CCDC142: variants seen among roughly 807,000 people sequenced by gnomAD.
The protein encoded by CCDC142 is coiled-coil domain-containing protein 142.
In CCDC142, 67 loss-of-function variants were observed where a neutral mutation model predicts 83.8. That is an observed-to-expected ratio of 0.80 (90% CI 0.66 to 0.98). CCDC142 has a LOEUF of 0.98. Ranked by LOEUF, CCDC142 falls within the 50% of genes least tolerant of loss-of-function variation. The pLI, the probability that CCDC142 is intolerant of heterozygous loss-of-function variation, is 0.00. For missense variants in CCDC142, 905 were observed against 946.8 expected (o/e 0.96, Z 0.58); for synonymous variants, 421 against 421.2 (o/e 1.00, Z 0.01).
rs1267890733 is a variant in CCDC142, at chr2:74,482,785, G to A, written c.53C>T (p.Pro18Leu). 5 of 1,600,378 alleles carry A rather than the reference G, an allele frequency of 3.1e-6. No homozygotes were observed. The Admixed American group carries it at 6.7e-5, about 21-fold the overall frequency. ...AGTGCCCCCGGGTTGCGCCCTCAGC[G>A]GGGGCACGATAACGAGTGGAGGCAG... Reference protein sequence around the residue: ...GSLPPLVIVPPLRAQPGGTGE... With the variant: ...GSLPPLVIVPLLRAQPGGTGE... Residue 18 changes from proline to leucine, a missense_variant, in exon 1 of 9, where the codon CCG becomes CTG. Coordinates refer to ENST00000393965, the MANE Select transcript of CCDC142 (RefSeq NM_001365575.2). This position sits in a 1 kb window ranked among gnomAD's most constrained non-coding sequence, Gnocchi z 5.0.
At position 74,480,756 on chromosome 2, in the gene CCDC142, C is replaced by T. The variant is rs1161185795; in HGVS notation, c.1503+13G>A. 4 of 1,591,266 alleles carry T rather than the reference C, an allele frequency of 2.5e-6. No homozygotes were observed. Among genetic ancestry groups the T allele is most frequent in the African/African-American group, 2.7e-5 (2 of 74,470 alleles). ...GGGTCTTACACTGCCACTGTTGAGG[C>T]CCCTGTTCTCACCTGGATCTGTGCA... On this transcript the variant is annotated intron_variant, in intron 5 of 8. Coordinates refer to ENST00000393965, the MANE Select transcript of CCDC142 (RefSeq NM_001365575.2).
Position 74,482,603 on chromosome 2 carries a change from CG to C in CCDC142, c.234del (p.Ala79GlnfsTer44). The stretch of plus-strand genomic sequence containing the variant: ...GCGGGAGGGATCGGGCCGCCACCTG[CG>C]GGCCCCCGCCTCCAGGCCGCAGCAT... ...EADAAAWRRGPAGGGPIPPAL... is the reference protein window; with the variant it reads ...EADAAAWRRGXAGGGPIPPAL... On this transcript the variant is annotated frameshift_variant, in exon 1 of 9. Coordinates refer to ENST00000393965, the MANE Select transcript of CCDC142 (RefSeq NM_001365575.2). LOFTEE classifies it high-confidence loss of function. The surrounding 1 kb of genome is among the most constrained non-coding windows in gnomAD (Gnocchi z 5.0). 6.2e-7 allele frequency: 1 copy of C among 1,603,754 alleles called. No individual in the cohort carries two copies. The highest frequency in any genetic ancestry group is 8.5e-7 in the Non-Finnish European group (1 of 1,175,622).
In CCDC142 at chr2:74,482,332, C is replaced by T. The variant is rs753313456; in HGVS notation, c.506G>A (p.Arg169His). ...GETLEPLLLARPIGLAAQCLE... is the reference protein window; with the variant it reads ...GETLEPLLLAHPIGLAAQCLE... Reference sequence around the variant, plus strand: ...GCACTGGGCGGCTAGTCCGATGGGGCGCGCTAGCAGCAGCGGCTCGAGAGT... The same window carrying T: ...GCACTGGGCGGCTAGTCCGATGGGGTGCGCTAGCAGCAGCGGCTCGAGAGT... The change falls in exon 1 of 9, where the codon CGC (arginine) becomes CAC (histidine). Residue 169 changes from arginine to histidine, a missense_variant. Around this residue, in one of 3 missense-constraint regions of CCDC142, gnomAD observed 591 missense variants for 571.4 expected, o/e 1.03. Coordinates refer to ENST00000393965, the MANE Select transcript of CCDC142 (RefSeq NM_001365575.2). This position sits in a 1 kb window ranked among gnomAD's most constrained non-coding sequence, Gnocchi z 5.0. 6.2e-6 allele frequency: 10 copies of T among 1,606,366 alleles called. No individual in the cohort carries two copies. Among genetic ancestry groups the T allele is most frequent in the Admixed American group, 1.7e-5 (1 of 58,080 alleles).
At chr2:74,481,748 C>A in intron 1 of CCDC142, 69 bp downstream of exon 1, 1 of 1,534,852 alleles carries the variant, frequency 6.5e-7, no homozygotes, top group South Asian at 1.2e-5. Context: ...GATGGCAGGT[C>A]AGTGAGTTGG....
Position 74,482,293 on chromosome 2 carries a change from A to G in CCDC142, c.545T>C (p.Ile182Thr), listed in dbSNP as rs1261331589. The change falls in exon 1 of 9, where the codon ATC becomes ACC. Residue 182 changes from isoleucine to threonine, a missense_variant. By Grantham distance (89) the Ile-to-Thr change is moderately conservative. Around this residue, in one of 3 missense-constraint regions of CCDC142, gnomAD observed 591 missense variants for 571.4 expected, o/e 1.03. Coordinates refer to ENST00000393965, the MANE Select transcript of CCDC142 (RefSeq NM_001365575.2). This position sits in a 1 kb window ranked among gnomAD's most constrained non-coding sequence, Gnocchi z 5.0. ...GCCGAGAGCGCGAAGCTGCATCTCG[A>G]TGACAGCCTCCAGGCACTGGGCGGC... ...GLAAQCLEAV[I>T]EMQLRALGRE... 2 of 1,612,176 alleles carry G rather than the reference A, an allele frequency of 1.2e-6. No homozygotes were observed. Among genetic ancestry groups the G allele is most frequent in the Admixed American group, 1.7e-5 (1 of 59,900 alleles).
intron 5 of CCDC142, among the ~76,000 whole-genome samples, chr2:74,480,245 C>A (rs1672410850): frequency 6.6e-6 from 1 of 152,094 alleles, no homozygotes; most frequent in Admixed American, 6.5e-5. Context: ...TATGGGAGTC[C>A]ATTATACACC....
Position 74,474,259 on chromosome 2 carries a change from A to G in CCDC142, c.*287T>C, listed in dbSNP as rs923401972. ...CCACCACGCCCGGCTAATTTTTTGT[A>G]TTTTTAGTGGAAACAGGGTTTCACC... On this transcript the variant is annotated 3_prime_UTR_variant, in exon 9 of 9. Transcript: ENST00000393965. 25 of 222,540 alleles carry G rather than the reference A, an allele frequency of 1.1e-4. No homozygotes were observed. Among genetic ancestry groups the G allele is most frequent in the Non-Finnish European group, 1.8e-4 (20 of 113,180 alleles). The allele number at this position is 222,540 out of a possible 1,614,324, so 13.8% of individuals were successfully genotyped here.
At chr2:74,475,479 A>G (rs1672302984) in intron 6 of CCDC142, 77 bp from the exon 7 acceptor site, 3 of 1,492,160 alleles carry the variant, frequency 2.0e-6, no homozygotes, top group Non-Finnish European at 2.7e-6. Flanking sequence ...AGAAGAGGGT[A>G]GGATTTCAGG....
At position 74,475,343 on chromosome 2, in the gene CCDC142, C is replaced by T. The variant is rs1175077838; in HGVS notation, c.1678G>A (p.Val560Met). 1.2e-6 allele frequency: 2 copies of T among 1,612,820 alleles called. No individual in the cohort carries two copies. The highest frequency in any genetic ancestry group is 1.7e-6 in the Non-Finnish European group (2 of 1,179,278). The stretch of plus-strand genomic sequence containing the variant: ...GGCAACCCTTGCAATCCTTGCAACA[C>T]AGGCTCCAGTACGGTGCGGACCACT... ...GLVVRTVLEP[V>M]LQGLQGLPPQ... The change falls in exon 7 of 9, where the codon GTG (valine) becomes ATG (methionine). Residue 560 changes from valine to methionine, a missense_variant. Around this residue, in one of 3 missense-constraint regions of CCDC142, gnomAD observed 265 missense variants for 288.9 expected, o/e 0.92. Coordinates refer to ENST00000393965, the MANE Select transcript of CCDC142 (RefSeq NM_001365575.2).
At chr2:74,475,171 C>T (rs948245542) in intron 7 of CCDC142, 54 bp downstream of exon 7, 9 of 1,613,192 alleles carry the variant, frequency 5.6e-6, no homozygotes, top group Non-Finnish European at 7.6e-6. Context: ...CCACTTATCC[C>T]CTTCCTTTTC....
rs1317672746 is a variant in CCDC142, at chr2:74,474,902, G to A, written c.1996+14C>T. The A allele has an allele frequency of 1.3e-6, 2 of 1,585,158 alleles. No homozygotes were observed. The highest frequency in any genetic ancestry group is 3.5e-5 in the Admixed American group (2 of 57,434). On this transcript the variant is annotated intron_variant, in intron 8 of 8. Coordinates refer to ENST00000393965, the MANE Select transcript of CCDC142 (RefSeq NM_001365575.2). ...TGGGACACACAAAGCAGTGAGCGAA[G>A]GGGAGTAACTCACAGCAACAGGGGG...
intron 1 of CCDC142, 132 bp downstream of exon 1, chr2:74,481,685 C>CTA (rs1353417973): frequency 7.3e-7 from 1 of 1,377,724 alleles, no homozygotes; most frequent in African/African-American, 1.4e-5. Context: ...AGCTCAGAAG[C>CTA]TATAGTCTGA....
intron 5 of CCDC142, among the ~76,000 whole-genome samples, chr2:74,476,893 G>A (rs948557552): frequency 6.6e-6 from 1 of 152,216 alleles, no homozygotes; most frequent in Non-Finnish European, 1.5e-5. Context: ...ATGGCTCCTG[G>A]CACATCTGAC....
At position 74,472,899 on chromosome 2, in the gene CCDC142, T is replaced by C; in HGVS notation, c.*1647A>G. 1 of 576,190 alleles carries C rather than the reference T, an allele frequency of 1.7e-6. No individual in the cohort carries two copies. The highest frequency in any genetic ancestry group is 3.1e-6 in the Non-Finnish European group (1 of 322,612). 35.7% of individuals were successfully genotyped at this position (576,190 alleles called of 1,614,324 possible). A position where few individuals can be genotyped will look rare whatever the true frequency, so the allele number is the denominator to read the frequency against. On this transcript the variant is annotated 3_prime_UTR_variant, in exon 9 of 9. Transcript: ENST00000393965. Reference sequence around the variant, plus strand: ...AGCAAATACAGCCTATCATGAATAGTCCTCTCATACGACGGTGAAAACCAT... The same window carrying C: ...AGCAAATACAGCCTATCATGAATAGCCCTCTCATACGACGGTGAAAACCAT...
In CCDC142 at chr2:74,476,047, ACAC is replaced by A. The variant is rs1672317585; in HGVS notation, c.1504-324_1504-322del. On this transcript the variant is annotated intron_variant, in intron 5 of 8. Coordinates refer to ENST00000393965, the MANE Select transcript of CCDC142 (RefSeq NM_001365575.2). ...CATACCCTGCCCCCACCCCCGCAAC[ACAC>A]ACACACACACACACACACACACACA... Among the ~76,000 whole-genome samples, 3 of 5,548 alleles carry A rather than the reference ACAC, an allele frequency of 5.4e-4. No individual in the cohort carries two copies. The Admixed American group carries it at 7.9e-3, about 15-fold the overall frequency. The allele number at this position is 5,548 out of a possible 152,430, so 3.6% of individuals were successfully genotyped here.
At chr2:74,479,279 G>A (rs1032191360) in intron 5 of CCDC142, among the ~76,000 whole-genome samples, 1 of 152,182 alleles carries the variant, frequency 6.6e-6, no homozygotes, top group African/African-American at 2.4e-5. Flanking sequence ...GGAATACTGA[G>A]AGAAAAGCAG....
Position 74,475,598 on chromosome 2 carries a change from G to T in CCDC142, c.1618+14C>A. The T allele has an allele frequency of 6.2e-7, 1 of 1,602,546 alleles. No individual in the cohort carries two copies. The highest frequency in any genetic ancestry group is 8.5e-7 in the Non-Finnish European group (1 of 1,170,148). ...CTTGGAACTCTGGAAGGAGAAGCTGGGATGAGGAGTTACCAGGACAGAGAC... is the reference window on the plus strand; with the variant it reads ...CTTGGAACTCTGGAAGGAGAAGCTGTGATGAGGAGTTACCAGGACAGAGAC... On this transcript the variant is annotated intron_variant, in intron 6 of 8. Coordinates refer to ENST00000393965, the MANE Select transcript of CCDC142 (RefSeq NM_001365575.2).
intron 5 of CCDC142, among the ~76,000 whole-genome samples, 194 bp from the exon 6 acceptor site, chr2:74,475,920 AC>A (rs1369224659): frequency 6.6e-6 from 1 of 152,016 alleles, no homozygotes; most frequent in East Asian, 1.9e-4. Flanking sequence ...CAAATTATGA[AC>A]AATTGCCCTA....
rs2104002832 is a variant in CCDC142 at position 74,473,605 on chromosome 2, G to C, written c.*941C>G. Among the ~76,000 whole-genome samples the C allele has an allele frequency of 6.6e-6, 1 of 151,386 alleles. No individual in the cohort carries two copies. The highest frequency in any genetic ancestry group is 2.1e-4 in the South Asian group (1 of 4,760). On this transcript the variant is annotated 3_prime_UTR_variant, in exon 9 of 9. Transcript: ENST00000393965. ...GTGCTGGGATTACAGGCGTGAGCAG[G>C]CGTGAGCCCCCTCACCTGGCCGAGC... is the stretch of plus-strand genomic sequence containing the variant.
Sources: gnomAD v4.1 joint callset for allele counts (sites outside exome capture counted in the v4.1 genomes callset) on GRCh38, gnomAD v4.1.1 for gene constraint, gnomAD v4.1.1 regional missense constraint, Gnocchi (gnomAD v3.1) non-coding constraint, MANE v1.5 for transcripts, NCBI Gene and HGNC (gene_info 2026-07-23, HGNC 2026-07-21) for gene names.